Variants in CNTN5 observed in about 807,000 individuals in gnomAD.
CNTN5 encodes contactin-5.
CNTN5 carries 77 observed loss-of-function variants against 129.1 expected under a neutral mutation model. The observed-to-expected ratio is 0.60, with a 90% CI of 0.50 to 0.72. The LOEUF (loss-of-function observed/expected upper bound fraction) is 0.72. Among genes scored for constraint, CNTN5 ranks in the 30% least tolerant of loss-of-function variants. The pLI, the probability that CNTN5 is intolerant of heterozygous loss-of-function variation, is 0.00. For synonymous variants in CNTN5, 509 were observed against 465.6 expected, an observed-to-expected ratio of 1.09 and a Z score of -1.20; for missense variants, 1,478 against 1,328.8, an observed-to-expected ratio of 1.11 and a Z score of -1.75.
chr11:99,595,684 A>G (rs1950104805), intron 3 of CNTN5, among the ~76,000 whole-genome samples: 1 of 152,100 alleles, frequency 6.6e-6, no homozygotes, highest in African/African-American at 2.4e-5. Context: ...AAAACTAACA[A>G]TACAGAGGCT....
intron 2 of CNTN5, among the ~76,000 whole-genome samples, chr11:99,419,186 C>T (rs981553100): frequency 3.9e-5 from 6 of 152,122 alleles, no homozygotes; most frequent in Non-Finnish European, 8.8e-5. Context: ...CCATCATCAC[C>T]TACCTGAGCA....
At chr11:99,889,312 GTGTGTGT>G (rs1948986669) in intron 6 of CNTN5, among the ~76,000 whole-genome samples, 1 of 113,178 alleles carries the variant, frequency 8.8e-6, no homozygotes, top group African/African-American at 2.7e-5. Context: ...GTGTGTGTGT[GTGTGTGT>G]GTGTGTGTGT....
intron 6 of CNTN5, among the ~76,000 whole-genome samples, chr11:99,891,227 G>C (rs906058962): frequency 1.8e-4 from 27 of 152,180 alleles, no homozygotes; most frequent in African/African-American, 6.3e-4. Flanking sequence ...CTGGATGTGG[G>C]TATATGGGGA....
intron 7 of CNTN5, among the ~76,000 whole-genome samples, chr11:99,938,793 A>G (rs374591400): frequency 6.6e-6 from 1 of 152,118 alleles, no homozygotes; most frequent in Non-Finnish European, 1.5e-5. Context: ...ATATATCTCT[A>G]CTTCTCAAAT....
intron 1 of CNTN5, among the ~76,000 whole-genome samples, chr11:99,103,773 A>AAG (rs1340721739): frequency 2.0e-5 from 3 of 152,060 alleles, no homozygotes; most frequent in Non-Finnish European, 4.4e-5. Context: ...TCAAAAAAAA[A>AAG]AAAAAGATGT....
chr11:99,956,769 C>A (rs1565718988), intron 7 of CNTN5, 37 bp from the exon 8 acceptor site: 1 of 1,521,556 alleles, frequency 6.6e-7, no homozygotes, highest in South Asian at 1.1e-5. Context: ...ATGAAAAAAT[C>A]AAAGTCTTTC....
intron 1 of CNTN5, among the ~76,000 whole-genome samples, chr11:99,142,694 G>C (rs1289956328): frequency 6.6e-6 from 1 of 152,082 alleles, no homozygotes; most frequent in Non-Finnish European, 1.5e-5. Context: ...TTGAGCCTTG[G>C]GGGATAAGCA....
intron 3 of CNTN5, among the ~76,000 whole-genome samples, chr11:99,685,912 A>T (rs1175576818): frequency 2.0e-5 from 3 of 151,930 alleles, no homozygotes; most frequent in Non-Finnish European, 2.9e-5. Flanking sequence ...TTCTTTTTAA[A>T]TAATAATTAC....
At chr11:99,671,457 A>C (rs552470055) in intron 3 of CNTN5, among the ~76,000 whole-genome samples, 1 of 152,136 alleles carries the variant, frequency 6.6e-6, no homozygotes, top group Non-Finnish European at 1.5e-5. Flanking sequence ...ATTTGTGTGC[A>C]TGTGTGCGTG....
intron 21 of CNTN5, among the ~76,000 whole-genome samples, chr11:100,328,362 G>A (rs1045540001): frequency 1.2e-4 from 19 of 152,166 alleles, no homozygotes; most frequent in South Asian, 4.1e-4. Flanking sequence ...AAATGAGACC[G>A]TGTCTCAAAT....
intron 9 of CNTN5, among the ~76,000 whole-genome samples, chr11:100,037,735 G>A (rs1235427622): frequency 6.6e-6 from 1 of 152,152 alleles, no homozygotes; most frequent in African/African-American, 2.4e-5. Flanking sequence ...ATTTCTTCTA[G>A]ATTTTCTAGT....
chr11:99,890,332 C>T (rs1248292018), intron 6 of CNTN5, among the ~76,000 whole-genome samples: 1 of 151,980 alleles, frequency 6.6e-6, no homozygotes, highest in Non-Finnish European at 1.5e-5. Context: ...ATGAATCATA[C>T]TGAAGTATAT....
chr11:100,169,517 T>C (rs900224072), intron 13 of CNTN5, among the ~76,000 whole-genome samples: 26 of 152,002 alleles, frequency 1.7e-4, no homozygotes, highest in African/African-American at 6.3e-4. Context: ...AGCGAAAAGA[T>C]TAGAACTGGC....
chr11:99,615,133 A>T (rs970345837), intron 3 of CNTN5, among the ~76,000 whole-genome samples: 2 of 150,398 alleles, frequency 1.3e-5, no homozygotes, highest in African/African-American at 4.8e-5. Context: ...CTTGCCGAGG[A>T]AGAGTGAATA....
chr11:100,061,795 C>T (rs952643087), intron 10 of CNTN5, among the ~76,000 whole-genome samples: 1 of 152,120 alleles, frequency 6.6e-6, no homozygotes, highest in Non-Finnish European at 1.5e-5. Context: ...GATGTTGGAA[C>T]AAAGTCACAC....
At chr11:100,007,016 A>G (rs535166311) in intron 9 of CNTN5, among the ~76,000 whole-genome samples, 1 of 152,234 alleles carries the variant, frequency 6.6e-6, no homozygotes, top group South Asian at 2.1e-4. Context: ...AATGAGATGC[A>G]TTGTCAATGG....
chr11:99,536,905 A>T (rs940820987), intron 2 of CNTN5, among the ~76,000 whole-genome samples: 3 of 151,790 alleles, frequency 2.0e-5, no homozygotes, highest in Non-Finnish European at 4.4e-5. Context: ...AAATTGTGTT[A>T]TAAAATCCAA....
chr11:99,466,282 C>A (rs1273717438), intron 2 of CNTN5, among the ~76,000 whole-genome samples: 1 of 152,156 alleles, frequency 6.6e-6, no homozygotes, highest in Non-Finnish European at 1.5e-5. Context: ...TCACCTCTTA[C>A]CAGTCCCCTC....
intron 3 of CNTN5, among the ~76,000 whole-genome samples, chr11:99,625,335 G>A (rs1328732312): frequency 6.6e-6 from 1 of 152,100 alleles, no homozygotes; most frequent in African/African-American, 2.4e-5. Flanking sequence ...AAGCAATTGT[G>A]TTTCAGAGGG....
Sources: gnomAD v4.1 joint callset for allele counts (sites outside exome capture counted in the v4.1 genomes callset) on GRCh38, gnomAD v4.1.1 for gene constraint, MANE v1.5 for transcripts, NCBI Gene and HGNC (gene_info 2026-07-23, HGNC 2026-07-21) for gene names.